The following MIPEP variants were observed in gnomAD, a reference collection of about 807,000 sequenced individuals.
MIPEP encodes the protein mitochondrial intermediate peptidase.
In MIPEP, 79 loss-of-function variants were observed where a neutral mutation model predicts 90.3. The observed-to-expected ratio is 0.87, with a 90% CI of 0.73 to 1.05. MIPEP has a LOEUF of 1.05. Ranked by LOEUF, MIPEP falls within the 50% of genes least tolerant of loss-of-function variation. MIPEP has a pLI of 0.00. For synonymous variants in MIPEP, 334 were observed against 315.8 expected (o/e 1.06, Z -0.61); for missense variants, 940 against 905.6 (o/e 1.04, Z -0.49).
chr13:23,888,186 C>G, intron 1 of MIPEP: 1 of 400,092 alleles, frequency 2.5e-6, no homozygotes, highest in East Asian at 7.5e-5. Flanking sequence ...TTCTGCTCAG[C>G]GCCTACAAGT....
At chr13:23,837,246 G>A (rs1205947594) in intron 13 of MIPEP, among the ~76,000 whole-genome samples, 2 of 152,106 alleles carry the variant, frequency 1.3e-5, no homozygotes, top group African/African-American at 2.4e-5. Context: ...AAGGAGATAC[G>A]TTTTTATTCA....
chr13:23,870,821 C>CA (rs937325653), intron 5 of MIPEP, among the ~76,000 whole-genome samples: 2 of 151,882 alleles, frequency 1.3e-5, no homozygotes, highest in East Asian at 1.9e-4. Flanking sequence ...AAACAAAAAA[C>CA]AAAAAAACAG....
At chr13:23,838,189 G>A (rs1353252668) in intron 12 of MIPEP, among the ~76,000 whole-genome samples, 1 of 151,978 alleles carries the variant, frequency 6.6e-6, no homozygotes, top group Non-Finnish European at 1.5e-5. Context: ...TGTTGCCCAG[G>A]CTGGAGTGCA....
chr13:23,806,039 G>A lies in MIPEP; in HGVS notation c.1759C>T (p.His587Tyr), dbSNP rs1353944409. 1 of 1,613,442 alleles carries A rather than the reference G, an allele frequency of 6.2e-7. No homozygotes were observed. Among genetic ancestry groups the A allele is most frequent in the East Asian group, 2.2e-5 (1 of 44,856 alleles). The part of the protein sequence containing the change: ...VFYATLDQIY[H>Y]GKHPLRNSTT... ...GAATTCCTCAGGGGATGCTTCCCAT[G>A]GTAGATTTGATCCAGAGTGGCATAA... The change falls in exon 16 of 19, where the codon CAT (histidine) becomes TAT (tyrosine). Residue 587 changes from histidine to tyrosine, a missense_variant. Physicochemically the swap from His to Tyr is moderately conservative, Grantham distance 83. Coordinates refer to ENST00000382172, the MANE Select transcript of MIPEP (RefSeq NM_005932.4).
At chr13:23,888,986 G>T in intron 1 of MIPEP, 146 bp downstream of exon 1, 1 of 744,854 alleles carries the variant, frequency 1.3e-6, no homozygotes, top group Non-Finnish European at 1.9e-6. Flanking sequence ...CTCATCGAGA[G>T]CGCACACAAG....
At chr13:23,762,985 G>A (rs1404707214) in intron 16 of MIPEP, among the ~76,000 whole-genome samples, 1 of 152,166 alleles carries the variant, frequency 6.6e-6, no homozygotes, top group African/African-American at 2.4e-5. Flanking sequence ...GGCAGAGAAA[G>A]GTAGACACGT....
intron 16 of MIPEP, among the ~76,000 whole-genome samples, chr13:23,795,114 CA>C (rs1420617374): frequency 4.6e-5 from 7 of 152,000 alleles, no homozygotes; most frequent in Non-Finnish European, 1.0e-4. Context: ...CAAGCTAGCT[CA>C]GCCCAGGCAC....
chr13:23,782,902 C>A lies in MIPEP; in HGVS notation c.1849-22685G>T, dbSNP rs569495011. On this transcript the variant is annotated intron_variant, in intron 16 of 18. Coordinates refer to ENST00000382172, the MANE Select transcript of MIPEP (RefSeq NM_005932.4). Reference sequence around the variant, plus strand: ...ACACATACACTCTCCCAAGACTAAACCAGGAAGAAGTTGAATCCCTGAATA... The same window carrying A: ...ACACATACACTCTCCCAAGACTAAAACAGGAAGAAGTTGAATCCCTGAATA... Among the ~76,000 whole-genome samples the A allele has an allele frequency of 2.6e-5, 4 of 152,254 alleles. No individual in the cohort carries two copies. The East Asian group carries it at 7.7e-4, about 29-fold the overall frequency.
At chr13:23,781,758 A>T (rs1377487866) in intron 16 of MIPEP, among the ~76,000 whole-genome samples, 1 of 152,216 alleles carries the variant, frequency 6.6e-6, no homozygotes, top group Admixed American at 6.5e-5. Flanking sequence ...GGATGGAGGA[A>T]GATCTACCAA....
intron 5 of MIPEP, among the ~76,000 whole-genome samples, chr13:23,871,784 TTC>T (rs1174443598): frequency 1.3e-5 from 2 of 148,234 alleles, no homozygotes; most frequent in African/African-American, 2.5e-5. Flanking sequence ...CAGTCCAGAT[TTC>T]TCTTTGCTTA....
At chr13:23,789,288 A>G (rs1952878009) in intron 16 of MIPEP, among the ~76,000 whole-genome samples, 1 of 152,172 alleles carries the variant, frequency 6.6e-6, no homozygotes, top group Non-Finnish European at 1.5e-5. Context: ...TACTCTTTGC[A>G]TTTGTGATTT....
chr13:23,880,596 C>G (rs1871233758), intron 3 of MIPEP, among the ~76,000 whole-genome samples: 2 of 152,242 alleles, frequency 1.3e-5, no homozygotes, highest in East Asian at 3.8e-4. Context: ...ACTGCTGACT[C>G]CTTCCCAGGG....
chr13:23,776,434 C>G (rs1441239710), intron 16 of MIPEP, among the ~76,000 whole-genome samples: 1 of 152,154 alleles, frequency 6.6e-6, no homozygotes, highest in Non-Finnish European at 1.5e-5. Flanking sequence ...AGCAACTAAG[C>G]CCAGATTAAT....
chr13:23,791,907 C>T (rs142820580), intron 16 of MIPEP, among the ~76,000 whole-genome samples: 4 of 152,316 alleles, frequency 2.6e-5, no homozygotes, highest in South Asian at 2.1e-4. Context: ...AAGTCAATAA[C>T]GACCTTCACC....
At chr13:23,861,065 G>A (rs544076140) in intron 9 of MIPEP, among the ~76,000 whole-genome samples, 4 of 152,210 alleles carry the variant, frequency 2.6e-5, no homozygotes, top group Admixed American at 2.0e-4. Context: ...GCTCCCATGT[G>A]ATGCTACTGC....
chr13:23,820,035 C>T (rs1170084501), intron 14 of MIPEP, among the ~76,000 whole-genome samples: 1 of 151,864 alleles, frequency 6.6e-6, no homozygotes, highest in Non-Finnish European at 1.5e-5. Flanking sequence ...GGAAAAAAAC[C>T]TCTTTTCATT....
intron 14 of MIPEP, among the ~76,000 whole-genome samples, chr13:23,810,948 T>C (rs544648645): frequency 3.9e-5 from 6 of 152,316 alleles, no homozygotes; most frequent in Admixed American, 3.9e-4. Context: ...AGAAGTAAAC[T>C]AGGCAGAAAA....
At chr13:23,820,798 T>A (rs1379333581) in intron 14 of MIPEP, among the ~76,000 whole-genome samples, 4 of 152,184 alleles carry the variant, frequency 2.6e-5, no homozygotes, top group Non-Finnish European at 4.4e-5. Flanking sequence ...TTCTAAGGAA[T>A]GAAAGTTGAT....
intron 16 of MIPEP, among the ~76,000 whole-genome samples, chr13:23,793,349 C>T (rs143305493): frequency 1.9e-3 from 296 of 152,192 alleles, no homozygotes; most frequent in African/African-American, 6.9e-3. Context: ...TGTATGATGC[C>T]ACCTACATGA....
Sources: allele counts gnomAD v4.1 joint callset (sites outside exome capture counted in the v4.1 genomes callset), GRCh38; gene constraint gnomAD v4.1.1; transcripts MANE v1.5; gene names NCBI Gene and HGNC (gene_info 2026-07-23, HGNC 2026-07-21).